The following MAP3K3 variants were observed in gnomAD, a reference collection of about 807,000 sequenced individuals.
MAP3K3 encodes MAP/ERK kinase kinase 3.
A neutral mutation model predicts 80.9 loss-of-function variants in MAP3K3; 12 were observed. The ratio of observed to expected loss-of-function variants is 0.15; its 90% CI spans 0.10 to 0.24. MAP3K3 has a LOEUF of 0.24. Among genes scored for constraint, MAP3K3 ranks in the 10% least tolerant of loss-of-function variants. The probability of loss-of-function intolerance (pLI) is 1.00; values close to 1 mark genes in which losing one functional copy is unlikely to be tolerated. For synonymous variants in MAP3K3, 272 were observed against 307.1 expected (o/e 0.89, Z 1.19); for missense variants, 596 against 834.7 (o/e 0.71, Z 3.52).
At chr17:63,644,512 CT>C (rs1324454249) in intron 2 of MAP3K3, among the ~76,000 whole-genome samples, 1 of 152,166 alleles carries the variant, frequency 6.6e-6, no homozygotes, top group Admixed American at 6.5e-5. Flanking sequence ...CACTGTGCCT[CT>C]GGCCTTTAAT....
In MAP3K3 at chr17:63,694,870, T is replaced by A. The variant is rs1598130452; in HGVS notation, c.*1093T>A. The A allele has an allele frequency of 6.5e-6, 1 of 153,894 alleles. No homozygotes were observed. The highest frequency in any genetic ancestry group is 1.9e-4 in the East Asian group (1 of 5,226). The allele number at this position is 153,894 out of a possible 1,614,324, so 9.5% of individuals were successfully genotyped here. A position where few individuals can be genotyped will look rare whatever the true frequency, so the allele number is the denominator to read the frequency against. ...GTTCTTCCTCAGCCAGCCTCGCCCA[T>A]CCCCTTGAGGTCTCAGCCCCTTTCC... On this transcript the variant is annotated 3_prime_UTR_variant, in exon 16 of 16. Coordinates refer to ENST00000361733, the MANE Select transcript of MAP3K3 (RefSeq NM_002401.5).
intron 2 of MAP3K3, among the ~76,000 whole-genome samples, chr17:63,640,749 C>T (rs1178461598): frequency 6.6e-6 from 1 of 152,056 alleles, no homozygotes. Flanking sequence ...ACAGTGTTGC[C>T]CAGAGTTACT....
chr17:63,674,189 T>G (rs1277124259), intron 6 of MAP3K3, among the ~76,000 whole-genome samples: 3 of 152,162 alleles, frequency 2.0e-5, no homozygotes, highest in African/African-American at 7.2e-5. Context: ...TCTCCTTATC[T>G]TGCCACTTTG....
intron 12 of MAP3K3, 135 bp from the exon 13 acceptor site, chr17:63,690,967 A>G (rs1193667395): frequency 9.7e-7 from 1 of 1,030,938 alleles, no homozygotes; most frequent in East Asian, 2.6e-5. Context: ...GACAGTTAAG[A>G]GAGTCCCCCT....
Position 63,689,274 on chromosome 17 carries a change from TC to T in MAP3K3, c.872-267del. Reference sequence around the variant, plus strand: ...GAGCCTGTTGGCCAGCCATACACCTTCCCTTTGGCCAGATCTCCCTGAACCA... The same window carrying T: ...GAGCCTGTTGGCCAGCCATACACCTTCCTTTGGCCAGATCTCCCTGAACCA... On this transcript the variant is annotated intron_variant, in intron 10 of 15. Transcript: ENST00000361733. This position sits in a 1 kb window ranked among gnomAD's most constrained non-coding sequence, Gnocchi z 4.3. 1 of 543,666 alleles carries T rather than the reference TC, an allele frequency of 1.8e-6. No homozygotes were observed. Among genetic ancestry groups the T allele is most frequent in the Non-Finnish European group, 3.3e-6 (1 of 304,740 alleles). The allele number at this position is 543,666 out of a possible 1,614,324, so 33.7% of individuals were successfully genotyped here. A position where few individuals can be genotyped will look rare whatever the true frequency, so the allele number is the denominator to read the frequency against.
At chr17:63,636,735 C>T (rs144189755) in intron 2 of MAP3K3, 81 of 301,348 alleles carry the variant, frequency 2.7e-4, no homozygotes, top group East Asian at 1.5e-4. Context: ...AGGACAATGA[C>T]ATTGACCTGT....
chr17:63,666,344 C>A (rs555193528), intron 5 of MAP3K3, among the ~76,000 whole-genome samples: 1 of 152,224 alleles, frequency 6.6e-6, no homozygotes, highest in Admixed American at 6.5e-5. Context: ...TTTAAACATA[C>A]ATATATAAGC....
At chr17:63,659,774 G>T (rs574772748) in intron 5 of MAP3K3, among the ~76,000 whole-genome samples, 2 of 151,914 alleles carry the variant, frequency 1.3e-5, no homozygotes, top group South Asian at 2.1e-4. Context: ...CTTGTGATCC[G>T]CCCGCCTTGG....
chr17:63,673,943 G>T (rs1459784633), intron 6 of MAP3K3, among the ~76,000 whole-genome samples: 1 of 152,006 alleles, frequency 6.6e-6, no homozygotes, highest in Admixed American at 6.6e-5. Flanking sequence ...ATCCAGGTGT[G>T]GTCGTGCGCA....
rs756518158 is a variant in MAP3K3 at position 63,634,684 on chromosome 17, A to G, written c.126+1882A>G. On this transcript the variant is annotated intron_variant, in intron 2 of 15. Transcript: ENST00000361733. ...TGTTGCACGAAGGATACAAATTATTAACCTCAGTTTTTTTGTTTTTAAAGA... is the reference window on the plus strand; with the variant it reads ...TGTTGCACGAAGGATACAAATTATTGACCTCAGTTTTTTTGTTTTTAAAGA... The G allele has an allele frequency of 7.6e-6, 12 of 1,585,806 alleles. No homozygotes were observed. The African/African-American group carries it at 1.5e-4, about 20-fold the overall frequency.
At chr17:63,649,442 A>AT (rs1366110500) in intron 3 of MAP3K3, among the ~76,000 whole-genome samples, 1 of 141,980 alleles carries the variant, frequency 7.0e-6, no homozygotes, top group Non-Finnish European at 1.5e-5. Context: ...AAAAAAAAAA[A>AT]AAAAAAGTAG....
intron 2 of MAP3K3, among the ~76,000 whole-genome samples, chr17:63,639,000 G>A (rs1462539842): frequency 1.3e-5 from 2 of 151,976 alleles, no homozygotes; most frequent in Non-Finnish European, 2.9e-5. Flanking sequence ...CAGCCTGGGC[G>A]ACAGAGCAAG....
At chr17:63,647,654 G>C (rs570805920) in intron 3 of MAP3K3, among the ~76,000 whole-genome samples, 3 of 152,268 alleles carry the variant, frequency 2.0e-5, no homozygotes, top group Admixed American at 1.3e-4. Flanking sequence ...TCTTTTTACG[G>C]AGCTGTTTTC....
At chr17:63,673,971 T>C (rs764296538) in intron 6 of MAP3K3, among the ~76,000 whole-genome samples, 2 of 151,820 alleles carry the variant, frequency 1.3e-5, no homozygotes, top group Non-Finnish European at 2.9e-5. Flanking sequence ...TCCCAGCTAC[T>C]TGGGAGGCTG....
In MAP3K3 at chr17:63,689,138, T is replaced by G; in HGVS notation, c.871+257T>G. 1 of 572,410 alleles carries G rather than the reference T, an allele frequency of 1.7e-6. No homozygotes were observed. The highest frequency in any genetic ancestry group is 3.0e-5 in the East Asian group (1 of 33,528). 35.5% of individuals were successfully genotyped at this position (572,410 alleles called of 1,614,324 possible). ...TGCTCCAGGGGCACCATCTCTCCCA[T>G]GTCCTCTTCTGCCCCACAGCAGCAG... On this transcript the variant is annotated intron_variant, in intron 10 of 15. Coordinates refer to ENST00000361733, the MANE Select transcript of MAP3K3 (RefSeq NM_002401.5). This position sits in a 1 kb window ranked among gnomAD's most constrained non-coding sequence, Gnocchi z 4.3.
At chr17:63,684,008 T>C (rs1425825501) in intron 7 of MAP3K3, among the ~76,000 whole-genome samples, 1 of 151,934 alleles carries the variant, frequency 6.6e-6, no homozygotes, top group East Asian at 1.9e-4. Context: ...AAAAAAAATT[T>C]AATTAGCTGG....
rs2035582924 is a variant in MAP3K3, at chr17:63,691,207, A to T, written c.1318A>T (p.Thr440Ser). 6.2e-7 allele frequency: 1 copy of T among 1,614,034 alleles called. No homozygotes were observed. The highest frequency in any genetic ancestry group is 1.1e-5 in the South Asian group (1 of 91,094). Residue 440 changes from threonine to serine, a missense_variant, in exon 13 of 16, where the codon ACC becomes TCC. Thr to Ser is a moderately conservative substitution (Grantham distance 58). Coordinates refer to ENST00000361733, the MANE Select transcript of MAP3K3 (RefSeq NM_002401.5). The surrounding 1 kb of genome is among the most constrained non-coding windows in gnomAD (Gnocchi z 4.8). The stretch of plus-strand genomic sequence containing the variant: ...GCGGGACCGCGCTGAGAAGACCCTG[A>T]CCATCTTCATGGAGTACATGCCAGG... ...CLRDRAEKTL[T>S]IFMEYMPGGS...
intron 6 of MAP3K3, among the ~76,000 whole-genome samples, chr17:63,670,500 T>C (rs1458790971): frequency 6.6e-6 from 1 of 150,412 alleles, no homozygotes; most frequent in African/African-American, 2.5e-5. Flanking sequence ...GGAGGATCAC[T>C]TGAACCTGAG....
intron 2 of MAP3K3, among the ~76,000 whole-genome samples, chr17:63,645,335 C>G (rs2034520870): frequency 6.6e-6 from 1 of 152,132 alleles, no homozygotes; most frequent in Non-Finnish European, 1.5e-5. Flanking sequence ...GACCTGATCT[C>G]TGCTCTCCTG....
Sources: allele counts gnomAD v4.1 joint callset (sites outside exome capture counted in the v4.1 genomes callset), GRCh38; gene constraint gnomAD v4.1.1; non-coding constraint Gnocchi (gnomAD v3.1); transcripts MANE v1.5; gene names NCBI Gene and HGNC (gene_info 2026-07-23, HGNC 2026-07-21).